Variants in SIRT2 observed in about 807,000 individuals in gnomAD.
The protein encoded by SIRT2 is sirtuin 2.
SIRT2 carries 40 observed loss-of-function variants against 57.4 expected under a neutral mutation model. The ratio of observed to expected loss-of-function variants is 0.70; its 90% CI spans 0.54 to 0.91. The LOEUF is 0.91. SIRT2 is among the 40% of genes least tolerant of loss of function. The probability of loss-of-function intolerance (pLI) is 0.00; values close to 1 mark genes in which losing one functional copy is unlikely to be tolerated. For synonymous variants in SIRT2, 161 were observed against 195.7 expected (o/e 0.82, Z 1.48); for missense variants, 439 against 510.4 (o/e 0.86, Z 1.35).
chr19:38,893,191 C>G (rs1973600462), intron 4 of SIRT2, among the ~76,000 whole-genome samples: 1 of 152,142 alleles, frequency 6.6e-6, no homozygotes, highest in Non-Finnish European at 1.5e-5. Context: ...AAAGCAGCAT[C>G]AGAGAGAGTT....
intron 9 of SIRT2, among the ~76,000 whole-genome samples, 171 bp from the exon 10 acceptor site, chr19:38,881,662 CTTG>C (rs1025586511): frequency 2.0e-5 from 3 of 151,714 alleles, no homozygotes; most frequent in African/African-American, 7.3e-5. Context: ...GACCTCTCTT[CTTG>C]TTGTTGCATT....
rs568675653 is a variant in SIRT2, at chr19:38,881,694, C to CT, written c.632-204dup. 3.5e-3 allele frequency among the ~76,000 whole-genome samples: 513 copies of CT among 145,770 alleles called. 4 individuals carry two copies. Among genetic ancestry groups the CT allele is most frequent in the African/African-American group, 0.011 (421 of 39,986 alleles). On this transcript the variant is annotated intron_variant, in intron 9 of 15. Transcript: ENST00000249396. ...TTGCATTTTTTTTGTTTTTTTCTTT[C>CT]TTTTTTTTTTTGAGATAAGGTCTCA...
chr19:38,887,043 C>T (rs138628442), intron 8 of SIRT2, among the ~76,000 whole-genome samples: 2,187 of 151,982 alleles, frequency 0.014, 35 homozygotes, highest in Non-Finnish European at 0.02. Flanking sequence ...GTTCAAGCAA[C>T]TCTCATGCCT....
At chr19:38,884,900 A>G (rs1973277555) in intron 8 of SIRT2, among the ~76,000 whole-genome samples, 1 of 147,724 alleles carries the variant, frequency 6.8e-6, no homozygotes, top group African/African-American at 2.5e-5. Context: ...AATTTTCTGT[A>G]GAGATGGGGT....
At chr19:38,885,428 CTTT>C (rs746141768) in intron 8 of SIRT2, among the ~76,000 whole-genome samples, 5 of 137,728 alleles carry the variant, frequency 3.6e-5, no homozygotes, top group African/African-American at 7.9e-5. Flanking sequence ...CTTTTCTTTT[CTTT>C]TTTTTTTTTT....
intron 4 of SIRT2, among the ~76,000 whole-genome samples, chr19:38,892,857 C>T (rs1973587916): frequency 6.6e-6 from 1 of 152,200 alleles, no homozygotes; most frequent in South Asian, 2.1e-4. Flanking sequence ...AGATTACATA[C>T]ATGAGCCACT....
intron 6 of SIRT2, 46 bp downstream of exon 6, chr19:38,889,809 C>G (rs1212631454): frequency 2.5e-6 from 4 of 1,612,912 alleles, no homozygotes; most frequent in Non-Finnish European, 3.4e-6. Flanking sequence ...GCCAGGTGAC[C>G]CCATCCCCAC....
chr19:38,883,144 G>C (rs1327923562), intron 9 of SIRT2, among the ~76,000 whole-genome samples: 1 of 147,476 alleles, frequency 6.8e-6, no homozygotes, highest in Non-Finnish European at 1.5e-5. Flanking sequence ...GCAATGGTGC[G>C]AACTCAGCTC....
chr19:38,889,917 C>T lies in SIRT2; in HGVS notation c.313G>A (p.Asp105Asn). Reference protein sequence around the residue: ...DFRSPSTGLYDNLEKYHLPYP... With the variant: ...DFRSPSTGLYNNLEKYHLPYP... ...GGAAGATGGTACTTCTCTAGGTTGT[C>T]ATAGAGGCCGGTGGATGGAGAGCGA... Residue 105 changes from aspartate (D) to asparagine (N), a missense_variant, in exon 6 of 16, where the codon GAC becomes AAC. Coordinates refer to ENST00000249396, the MANE Select transcript of SIRT2 (RefSeq NM_012237.4). 1 of 1,614,116 alleles carries T rather than the reference C, an allele frequency of 6.2e-7. No individual in the cohort carries two copies. Among genetic ancestry groups the T allele is most frequent in the Non-Finnish European group, 8.5e-7 (1 of 1,180,030 alleles).
At chr19:38,881,317 T>C in intron 10 of SIRT2, 115 bp downstream of exon 10, 1 of 1,202,540 alleles carries the variant, frequency 8.3e-7, no homozygotes, top group South Asian at 1.3e-5. Flanking sequence ...TGGGGCACTG[T>C]TCAGAGAGAC....
At chr19:38,889,479 C>T in intron 7 of SIRT2, 1 of 657,356 alleles carries the variant, frequency 1.5e-6, no homozygotes, top group Non-Finnish European at 2.7e-6. Context: ...CAGACAGTAC[C>T]ATTAGCTTCA....
At chr19:38,883,974 G>C (rs1042725908) in intron 8 of SIRT2, among the ~76,000 whole-genome samples, 2 of 152,144 alleles carry the variant, frequency 1.3e-5, no homozygotes, top group Non-Finnish European at 2.9e-5. Context: ...CTTAAAGGCA[G>C]GGGCCAGGCT....
At chr19:38,884,677 G>A (rs1445511810) in intron 8 of SIRT2, among the ~76,000 whole-genome samples, 1 of 152,022 alleles carries the variant, frequency 6.6e-6, no homozygotes, top group Non-Finnish European at 1.5e-5. Context: ...TCGAACTCTG[G>A]ACCTCGTGAT....
upstream of SIRT2, chr19:38,899,618 TG>T (rs903007934): frequency 2.6e-6 from 4 of 1,529,372 alleles, no homozygotes; most frequent in African/African-American, 5.5e-5. Flanking sequence ...TGTCACCGAC[TG>T]CTCTGTCCCG....
rs200953200 is a variant in SIRT2 at position 38,883,651 on chromosome 19, C to T, written c.607G>A (p.Glu203Lys). Residue 203 changes from glutamate to lysine, a missense_variant, in exon 9 of 16, where the codon GAA becomes AAA. Glu to Lys is a moderately conservative substitution (Grantham distance 56). Coordinates refer to ENST00000249396, the MANE Select transcript of SIRT2 (RefSeq NM_012237.4). The stretch of plus-strand genomic sequence containing the variant: ...CCTTTCATCCAGCTTAGCGGGTATT[C>T]GTGCCGGCAGCTGGCGCTGACGCAG... ...SHCVSASCRH[E>K]YPLSWMKEKI... 5.6e-6 allele frequency: 9 copies of T among 1,613,916 alleles called. No homozygotes were observed. Among genetic ancestry groups the T allele is most frequent in the Admixed American group, 3.3e-5 (2 of 60,008 alleles).
At chr19:38,889,272 G>C (rs1973443694) in intron 7 of SIRT2, 117 bp from the exon 8 acceptor site, 1 of 913,140 alleles carries the variant, frequency 1.1e-6, no homozygotes, top group African/African-American at 1.6e-5. Context: ...AACCGTCACA[G>C]CAGCCGCGTC....
Position 38,887,042 on chromosome 19 carries a change from A to G in SIRT2, c.501+2045T>C, listed in dbSNP as rs186856376. ...AACCTCCACCTCCCAGGTTCAAGCA[A>G]CTCTCATGCCTCAGCCTCCTGAGTA... is the stretch of plus-strand genomic sequence containing the variant. On this transcript the variant is annotated intron_variant, in intron 8 of 15. Coordinates refer to ENST00000249396, the MANE Select transcript of SIRT2 (RefSeq NM_012237.4). Among the ~76,000 whole-genome samples, 12 of 151,578 alleles carry G rather than the reference A, an allele frequency of 7.9e-5. No individual in the cohort carries two copies. In the East Asian group the frequency reaches 1.9e-3, roughly 25 times the overall value.
chr19:38,895,553 C>T (rs1270045931), intron 2 of SIRT2, among the ~76,000 whole-genome samples: 1 of 152,228 alleles, frequency 6.6e-6, no homozygotes, highest in Non-Finnish European at 1.5e-5. Flanking sequence ...CAACTCCCTT[C>T]CCCGGATACT....
At chr19:38,891,627 G>T (rs896298195) in intron 4 of SIRT2, among the ~76,000 whole-genome samples, 8 of 152,032 alleles carry the variant, frequency 5.3e-5, no homozygotes, top group Non-Finnish European at 8.8e-5. Flanking sequence ...CAGAGAGGGG[G>T]TCTCGCTTAT....
Sources: allele counts gnomAD v4.1 joint callset (sites outside exome capture counted in the v4.1 genomes callset), GRCh38; gene constraint gnomAD v4.1.1; transcripts MANE v1.5; gene names NCBI Gene and HGNC (gene_info 2026-07-23, HGNC 2026-07-21).